ARHGAP31: variants seen among roughly 807,000 people sequenced by gnomAD.
The protein encoded by ARHGAP31 is rho GTPase-activating protein 31.
In ARHGAP31, 34 loss-of-function variants were observed where a neutral mutation model predicts 113.9. That is an observed-to-expected ratio of 0.30 (90% CI 0.23 to 0.40). The LOEUF (loss-of-function observed/expected upper bound fraction) is 0.40. Among genes scored for constraint, ARHGAP31 ranks in the 10% least tolerant of loss-of-function variants. The pLI is 1.00. For synonymous variants in ARHGAP31, 650 were observed against 684.8 expected, an observed-to-expected ratio of 0.95 and a Z score of 0.79; for missense variants, 1,548 against 1,767.1, an observed-to-expected ratio of 0.88 and a Z score of 2.22.
At chr3:119,300,751 T>C (rs6438517) in intron 1 of ARHGAP31, among the ~76,000 whole-genome samples, 54,035 of 149,762 alleles carry the variant, frequency 0.36, 12,234 homozygotes, top group African/African-American at 0.65. Context: ...CGCTTGAACC[T>C]GGGAGGCGGA....
At chr3:119,401,696 G>T in intron 9 of ARHGAP31, 126 bp from the exon 10 acceptor site, 1 of 835,310 alleles carries the variant, frequency 1.2e-6, no homozygotes, top group Admixed American at 2.0e-5. Context: ...TTATCTGGGC[G>T]GTTATGCCCC....
intron 1 of ARHGAP31, among the ~76,000 whole-genome samples, chr3:119,339,216 G>A (rs557251045): frequency 1.3e-5 from 2 of 152,264 alleles, no homozygotes; most frequent in East Asian, 1.9e-4. Context: ...AATGAAAGGC[G>A]AATTATAAGG....
At chr3:119,334,238 C>T (rs2107608671) in intron 1 of ARHGAP31, among the ~76,000 whole-genome samples, 1 of 152,210 alleles carries the variant, frequency 6.6e-6, no homozygotes, top group East Asian at 1.9e-4. Flanking sequence ...GCCGTCTTGG[C>T]CCCCACTCCA....
chr3:119,358,301 GA>G (rs2080176439), intron 1 of ARHGAP31, among the ~76,000 whole-genome samples: 2 of 152,176 alleles, frequency 1.3e-5, no homozygotes, highest in South Asian at 4.1e-4. Flanking sequence ...AAACTGCAAT[GA>G]TACCACTTCA....
At chr3:119,407,602 T>C (rs1309437677) in intron 10 of ARHGAP31, among the ~76,000 whole-genome samples, 1 of 152,164 alleles carries the variant, frequency 6.6e-6, no homozygotes, top group African/African-American at 2.4e-5. Context: ...AAAGTAGTTA[T>C]CTATAAGAGA....
chr3:119,305,919 G>A (rs138176939), intron 1 of ARHGAP31, among the ~76,000 whole-genome samples: 171 of 152,230 alleles, frequency 1.1e-3, no homozygotes, highest in African/African-American at 3.7e-3. Flanking sequence ...TAAACGTCCT[G>A]TTTTCCCCCC....
chr3:119,347,031 G>C (rs1364458765), intron 1 of ARHGAP31, among the ~76,000 whole-genome samples: 1 of 152,122 alleles, frequency 6.6e-6, no homozygotes, highest in African/African-American at 2.4e-5. Flanking sequence ...GGTGTTGCTG[G>C]GAAGGAGAAA....
intron 1 of ARHGAP31, among the ~76,000 whole-genome samples, chr3:119,360,271 A>T (rs2080194397): frequency 6.6e-6 from 1 of 152,212 alleles, no homozygotes; most frequent in African/African-American, 2.4e-5. Context: ...ACACACCACT[A>T]GACTTTACTT....
chr3:119,313,660 G>C (rs922558813), intron 1 of ARHGAP31, among the ~76,000 whole-genome samples: 8 of 152,220 alleles, frequency 5.3e-5, no homozygotes, highest in African/African-American at 1.4e-4. Context: ...CTGAGGCTGA[G>C]AGCAGGGAAG....
intron 1 of ARHGAP31, among the ~76,000 whole-genome samples, chr3:119,337,571 A>G (rs981507574): frequency 2.0e-5 from 3 of 152,178 alleles, no homozygotes; most frequent in African/African-American, 7.2e-5. Flanking sequence ...GGCCCCACCC[A>G]CATCCTGCTG....
chr3:119,361,795 C>T (rs1040441258), intron 1 of ARHGAP31, among the ~76,000 whole-genome samples: 3 of 152,200 alleles, frequency 2.0e-5, no homozygotes, highest in Non-Finnish European at 4.4e-5. Context: ...TGGATGATTA[C>T]ACAGAGATTG....
intron 1 of ARHGAP31, among the ~76,000 whole-genome samples, chr3:119,363,112 T>C (rs190581544): frequency 5.3e-5 from 8 of 152,192 alleles, no homozygotes; most frequent in Non-Finnish European, 1.5e-5. Flanking sequence ...TATCCGAATC[T>C]GCACTCTCAA....
At chr3:119,319,409 C>T (rs1212713279) in intron 1 of ARHGAP31, among the ~76,000 whole-genome samples, 1 of 152,098 alleles carries the variant, frequency 6.6e-6, no homozygotes, top group Non-Finnish European at 1.5e-5. Context: ...GATAATTTCT[C>T]TGCCACCGTC....
chr3:119,318,449 CT>C, intron 1 of ARHGAP31, among the ~76,000 whole-genome samples: 1 of 152,310 alleles, frequency 6.6e-6, no homozygotes, highest in African/African-American at 2.4e-5. Flanking sequence ...AAAACATCAT[CT>C]AATAATTTGA....
intron 1 of ARHGAP31, among the ~76,000 whole-genome samples, chr3:119,334,657 A>G (rs1055291910): frequency 6.6e-6 from 1 of 152,208 alleles, no homozygotes; most frequent in African/African-American, 2.4e-5. Context: ...GCCAGCAGGG[A>G]TATGTTCCAG....
At chr3:119,300,082 C>T (rs1188953792) in intron 1 of ARHGAP31, among the ~76,000 whole-genome samples, 1 of 152,190 alleles carries the variant, frequency 6.6e-6, no homozygotes. Flanking sequence ...GTTTTGGAAA[C>T]TTACTGCCTG....
At chr3:119,364,247 G>A (rs1469810954) in intron 1 of ARHGAP31, among the ~76,000 whole-genome samples, 1 of 132,114 alleles carries the variant, frequency 7.6e-6, no homozygotes, top group East Asian at 2.7e-4. Context: ...GGAGGTGGGG[G>A]GGCCGTTCTT....
chr3:119,408,018 T>C (rs954722511), intron 10 of ARHGAP31, among the ~76,000 whole-genome samples: 7 of 152,092 alleles, frequency 4.6e-5, no homozygotes, highest in Non-Finnish European at 1.0e-4. Flanking sequence ...TACAGTGTAT[T>C]ACATATTACA....
At chr3:119,330,827 A>G (rs116125435) in intron 1 of ARHGAP31, among the ~76,000 whole-genome samples, 3,821 of 152,348 alleles carry the variant, frequency 0.025, 70 homozygotes, top group Non-Finnish European at 0.037. Context: ...AGACTGTTAC[A>G]TACACATATT....
Sources: allele counts gnomAD v4.1 joint callset (sites outside exome capture counted in the v4.1 genomes callset), GRCh38; gene constraint gnomAD v4.1.1; transcripts MANE v1.5; gene names NCBI Gene and HGNC (gene_info 2026-07-23, HGNC 2026-07-21).